Variants in FGD3 observed in about 807,000 individuals in gnomAD.
FGD3 encodes the protein FYVE, RhoGEF and PH domain-containing protein 3.
FGD3 carries 45 observed loss-of-function variants against 71.8 expected under a neutral mutation model. The ratio of observed to expected loss-of-function variants is 0.63; its 90% CI spans 0.49 to 0.80. FGD3 has a LOEUF of 0.80. Among genes scored for constraint, FGD3 ranks in the 30% least tolerant of loss-of-function variants. The pLI, the probability that FGD3 is intolerant of heterozygous loss-of-function variation, is 0.00. For synonymous variants in FGD3, 378 were observed against 392.8 expected (o/e 0.96, Z 0.44); for missense variants, 844 against 951.5 (o/e 0.89, Z 1.49).
At chr9:92,970,198 G>T (rs1006166547) in intron 1 of FGD3, among the ~76,000 whole-genome samples, 1 of 152,200 alleles carries the variant, frequency 6.6e-6, no homozygotes, top group East Asian at 1.9e-4. Flanking sequence ...TCTGAGCCTC[G>T]GCGTCCTCAT....
intron 1 of FGD3, among the ~76,000 whole-genome samples, chr9:92,963,630 G>A (rs1311007077): frequency 6.6e-6 from 1 of 152,138 alleles, no homozygotes; most frequent in Non-Finnish European, 1.5e-5. Context: ...ATGAATATAA[G>A]CCTGGATTAA....
At chr9:93,002,805 C>A in intron 3 of FGD3, 120 bp from the exon 4 acceptor site, 1 of 899,024 alleles carries the variant, frequency 1.1e-6, no homozygotes, top group Non-Finnish European at 1.8e-6. Flanking sequence ...CTTCTCTTGC[C>A]CCAGTGGCCT....
At chr9:93,025,698 C>A (rs922324216) in intron 14 of FGD3, among the ~76,000 whole-genome samples, 1 of 152,232 alleles carries the variant, frequency 6.6e-6, no homozygotes, top group Non-Finnish European at 1.5e-5. Flanking sequence ...GAATTCAAAG[C>A]CTTCCCTGAT....
At chr9:92,995,903 C>T (rs914755612) in intron 3 of FGD3, among the ~76,000 whole-genome samples, 40 of 151,922 alleles carry the variant, frequency 2.6e-4, no homozygotes, top group African/African-American at 9.2e-4. Flanking sequence ...ATTTTGGTAT[C>T]GATGTTCATC....
At chr9:92,988,625 TTA>T (rs1860281554) in intron 3 of FGD3, among the ~76,000 whole-genome samples, 1 of 152,242 alleles carries the variant, frequency 6.6e-6, no homozygotes, top group African/African-American at 2.4e-5. Context: ...TTACTGTTCC[TTA>T]TATAAGAGCA....
intron 16 of FGD3, 172 bp downstream of exon 16, chr9:93,033,045 C>G: frequency 2.8e-6 from 2 of 702,570 alleles, no homozygotes; most frequent in Non-Finnish European, 5.1e-6. Context: ...CTCGGAAGAT[C>G]CCGTGTGTGC....
intron 14 of FGD3, among the ~76,000 whole-genome samples, chr9:93,024,611 G>A (rs909881157): frequency 3.3e-5 from 5 of 152,256 alleles, no homozygotes; most frequent in Admixed American, 1.3e-4. Flanking sequence ...GAGCCCATAC[G>A]ACATGGAGAG....
chr9:93,027,146 G>C lies in FGD3; in HGVS notation c.1558-2728G>C, dbSNP rs576482645. The stretch of plus-strand genomic sequence containing the variant: ...GGGGGCTGCAGCACAGCGAGTGAGA[G>C]TCCCTGTCACCCTCAAGCCAGCCCT... On this transcript the variant is annotated intron_variant, in intron 14 of 17. Coordinates refer to ENST00000375482, the MANE Select transcript of FGD3 (RefSeq NM_001083536.2). Among the ~76,000 whole-genome samples, 8 of 152,312 alleles carry C rather than the reference G, an allele frequency of 5.3e-5. No homozygotes were observed. The East Asian group carries it at 1.4e-3, about 26-fold the overall frequency.
chr9:92,982,295 T>C (rs897163761), intron 3 of FGD3, among the ~76,000 whole-genome samples: 3 of 152,220 alleles, frequency 2.0e-5, no homozygotes, highest in Non-Finnish European at 4.4e-5. Context: ...GTTCCATCCA[T>C]GTTGCCACAA....
intron 14 of FGD3, among the ~76,000 whole-genome samples, chr9:93,025,874 T>C (rs1022489376): frequency 1.2e-4 from 18 of 152,324 alleles, no homozygotes; most frequent in African/African-American, 4.3e-4. Context: ...TCTCAGGCAC[T>C]GCCCCTCCTG....
rs377240483 is a variant in FGD3, at chr9:93,024,349, C to T, written c.1557+1960C>T. 2.6e-5 allele frequency among the ~76,000 whole-genome samples: 4 copies of T among 152,222 alleles called. No homozygotes were observed. The East Asian group carries it at 5.8e-4, about 22-fold the overall frequency. On this transcript the variant is annotated intron_variant, in intron 14 of 17. Transcript: ENST00000375482. ...AGGCACTGCCTGATCAGCCCCACTG[C>T]CTGGAATCCCACAGCCAGGGCAGAC...
At chr9:93,007,255 T>C (rs1335568083) in intron 6 of FGD3, among the ~76,000 whole-genome samples, 1 of 151,794 alleles carries the variant, frequency 6.6e-6, no homozygotes, top group Non-Finnish European at 1.5e-5. Context: ...CACGCCCGGC[T>C]AATTTTTTAT....
At chr9:93,012,703 GA>G (rs61471929) in intron 8 of FGD3, among the ~76,000 whole-genome samples, 56,169 of 133,628 alleles carry the variant, frequency 0.42, 12,689 homozygotes, top group African/African-American at 0.61. Context: ...GTGGGGGGGG[GA>G]AGAATCAATC....
intron 7 of FGD3, among the ~76,000 whole-genome samples, chr9:93,010,854 T>C (rs1022946815): frequency 1.1e-4 from 16 of 152,140 alleles, no homozygotes; most frequent in African/African-American, 3.4e-4. Flanking sequence ...GGGAAGGTGC[T>C]ACTAAATGCT....
intron 3 of FGD3, among the ~76,000 whole-genome samples, chr9:92,980,907 G>T (rs1859966844): frequency 6.7e-6 from 1 of 149,650 alleles, no homozygotes; most frequent in African/African-American, 2.5e-5. Context: ...GGAAGTGGAG[G>T]TTGCAGTGAG....
chr9:93,003,495 G>T lies in FGD3; in HGVS notation c.543+481G>T, dbSNP rs1860937243. Among the ~76,000 whole-genome samples the T allele has an allele frequency of 6.6e-6, 1 of 152,204 alleles. No individual in the cohort carries two copies. Among genetic ancestry groups the T allele is most frequent in the South Asian group, 2.1e-4 (1 of 4,828 alleles). On this transcript the variant is annotated intron_variant, in intron 4 of 17. Coordinates refer to ENST00000375482, the MANE Select transcript of FGD3 (RefSeq NM_001083536.2). This position sits in a 1 kb window ranked among gnomAD's most constrained non-coding sequence, Gnocchi z 4.1. ...AGAAGGCTTTGCCAAGTCACCTGTGGGACATTTCTTCTTGGCAGCTGCATG... is the reference window on the plus strand; with the variant it reads ...AGAAGGCTTTGCCAAGTCACCTGTGTGACATTTCTTCTTGGCAGCTGCATG...
chr9:93,005,974 A>T, intron 5 of FGD3, 50 bp from the exon 6 acceptor site: 1 of 1,541,148 alleles, frequency 6.5e-7, no homozygotes. Flanking sequence ...CTAACCTCAG[A>T]GTCCCCATTG....
At chr9:93,005,982 T>C in intron 5 of FGD3, 42 bp from the exon 6 acceptor site, 2 of 1,558,842 alleles carry the variant, frequency 1.3e-6, no homozygotes, top group Non-Finnish European at 1.7e-6. Flanking sequence ...AGAGTCCCCA[T>C]TGCACCCAGC....
At chr9:92,973,201 G>A (rs1209688828) in intron 1 of FGD3, among the ~76,000 whole-genome samples, 1 of 136,498 alleles carries the variant, frequency 7.3e-6, no homozygotes, top group Non-Finnish European at 1.5e-5. Flanking sequence ...CGCAACATCC[G>A]CCTCCTGAGT....
Sources: allele counts gnomAD v4.1 joint callset (sites outside exome capture counted in the v4.1 genomes callset), GRCh38; gene constraint gnomAD v4.1.1; non-coding constraint Gnocchi (gnomAD v3.1); transcripts MANE v1.5; gene names NCBI Gene and HGNC (gene_info 2026-07-23, HGNC 2026-07-21).